Variants in NOVA1 observed in about 807,000 individuals in gnomAD.
NOVA1 encodes the protein NOVA alternative splicing regulator 1.
A neutral mutation model predicts 38.0 loss-of-function variants in NOVA1; 7 were observed. The observed-to-expected ratio is 0.18, with a 90% confidence interval of 0.10 to 0.35. The LOEUF (loss-of-function observed/expected upper bound fraction) is 0.35. Among genes scored for constraint, NOVA1 ranks in the 10% least tolerant of loss-of-function variants. The probability of loss-of-function intolerance (pLI) is 1.00; values close to 1 mark genes in which losing one functional copy is unlikely to be tolerated. For missense variants in NOVA1, 460 were observed against 616.0 expected (o/e 0.75, Z 2.68); for synonymous variants, 270 against 232.5 (o/e 1.16, Z -1.47).
intron 2 of NOVA1, among the ~76,000 whole-genome samples, chr14:26,484,518 A>G (rs1350759624): frequency 6.6e-6 from 1 of 151,662 alleles, no homozygotes. Context: ...AAACATTTAA[A>G]AAATCTCATT....
chr14:26,568,670 C>A (rs991531452), intron 2 of NOVA1, among the ~76,000 whole-genome samples: 1 of 152,074 alleles, frequency 6.6e-6, no homozygotes, highest in African/African-American at 2.4e-5. Flanking sequence ...CCTGGAAGAG[C>A]AACTAGAGCA....
chr14:26,578,878 T>C (rs1351724725), intron 2 of NOVA1, among the ~76,000 whole-genome samples: 1 of 152,090 alleles, frequency 6.6e-6, no homozygotes. Flanking sequence ...TGACAACATA[T>C]AATTTAACCC....
chr14:26,572,748 G>C (rs1057478320), intron 2 of NOVA1, among the ~76,000 whole-genome samples: 1 of 151,368 alleles, frequency 6.6e-6, no homozygotes, highest in Non-Finnish European at 1.5e-5. Context: ...GTGTGTGTGT[G>C]TGTGTGTGTG....
intron 2 of NOVA1, among the ~76,000 whole-genome samples, chr14:26,569,846 A>G (rs1383139169): frequency 2.0e-5 from 3 of 152,204 alleles, no homozygotes; most frequent in Admixed American, 6.5e-5. Flanking sequence ...CTTAGTTTAT[A>G]TTATGATCTT....
intron 2 of NOVA1, among the ~76,000 whole-genome samples, chr14:26,557,609 G>C (rs938832755): frequency 2.6e-5 from 4 of 151,132 alleles, no homozygotes; most frequent in Admixed American, 6.6e-5. Context: ...CTGAGCTCAA[G>C]CTATCTGCCA....
At chr14:26,591,954 G>A (rs1893874806) in intron 2 of NOVA1, among the ~76,000 whole-genome samples, 1 of 146,812 alleles carries the variant, frequency 6.8e-6, no homozygotes, top group Non-Finnish European at 1.5e-5. Flanking sequence ...GTTTTATAAT[G>A]ACAAATATTA....
chr14:26,557,817 T>C (rs1193513570), intron 2 of NOVA1, among the ~76,000 whole-genome samples: 1 of 151,836 alleles, frequency 6.6e-6, no homozygotes, highest in African/African-American at 2.4e-5. Flanking sequence ...CACACAAAAG[T>C]TTACAGCAGC....
chr14:26,568,588 T>C (rs1047693331), intron 2 of NOVA1: 2 of 151,930 alleles, frequency 1.3e-5, no homozygotes, highest in African/African-American at 4.8e-5. Context: ...CACAGAAAAA[T>C]ATTAAAAACA....
intron 2 of NOVA1, among the ~76,000 whole-genome samples, chr14:26,539,305 T>C (rs1325650901): frequency 6.6e-6 from 1 of 152,110 alleles, no homozygotes; most frequent in Non-Finnish European, 1.5e-5. Flanking sequence ...TAAATTACAT[T>C]AGGTTCACTA....
intron 2 of NOVA1, among the ~76,000 whole-genome samples, chr14:26,577,167 T>C (rs1229487305): frequency 1.3e-5 from 2 of 152,112 alleles, no homozygotes; most frequent in Admixed American, 1.3e-4. Flanking sequence ...ATTCATACTA[T>C]TGCAAACGTC....
intron 2 of NOVA1, among the ~76,000 whole-genome samples, chr14:26,589,956 T>C (rs895474101): frequency 6.6e-6 from 1 of 151,816 alleles, no homozygotes; most frequent in African/African-American, 2.4e-5. Flanking sequence ...GCATGTTGCG[T>C]TTTATACCAT....
intron 4 of NOVA1, among the ~76,000 whole-genome samples, chr14:26,460,610 A>G (rs1468531518): frequency 6.6e-6 from 1 of 152,104 alleles, no homozygotes; most frequent in Non-Finnish European, 1.5e-5. Flanking sequence ...AGAATAAACA[A>G]AAATGATCAA....
chr14:26,549,339 T>G (rs1445956894), intron 2 of NOVA1: 2 of 151,950 alleles, frequency 1.3e-5, no homozygotes, highest in African/African-American at 2.4e-5. Flanking sequence ...AAGTTTTTTT[T>G]TTTTTTTTTT....
chr14:26,566,391 T>C (rs1892138957), intron 2 of NOVA1, among the ~76,000 whole-genome samples: 1 of 152,156 alleles, frequency 6.6e-6, no homozygotes, highest in Non-Finnish European at 1.5e-5. Context: ...CCAATGATTG[T>C]AAGTGAGTAC....
Position 26,465,051 on chromosome 14 carries a change from A to G in NOVA1, c.519+7269T>C, listed in dbSNP as rs370007362. On this transcript the variant is annotated intron_variant, in intron 4 of 4. Transcript: ENST00000539517. ...AAATCTAATAGACATAACAAAATAA[A>G]TAAGTTCATTAAAAAATGGATGTCA... 2.0e-5 allele frequency among the ~76,000 whole-genome samples: 3 copies of G among 152,358 alleles called. No individual in the cohort carries two copies. In the East Asian group the frequency reaches 5.8e-4, roughly 29 times the overall value.
At chr14:26,567,380 C>T (rs1168301826) in intron 2 of NOVA1, among the ~76,000 whole-genome samples, 1 of 150,618 alleles carries the variant, frequency 6.6e-6, no homozygotes, top group Non-Finnish European at 1.5e-5. Context: ...ACTGCAGCCC[C>T]GACCTCCTGG....
intron 4 of NOVA1, among the ~76,000 whole-genome samples, chr14:26,457,562 T>G (rs372227475): frequency 6.6e-6 from 1 of 152,122 alleles, no homozygotes; most frequent in African/African-American, 2.4e-5. Flanking sequence ...ACAAACCTAC[T>G]GCTCTGCTAG....
At chr14:26,516,936 C>A (rs985382745) in intron 2 of NOVA1, among the ~76,000 whole-genome samples, 1 of 140,606 alleles carries the variant, frequency 7.1e-6, no homozygotes, top group African/African-American at 2.7e-5. Context: ...GATGGAGTCT[C>A]GCTCTGTTGC....
At chr14:26,585,188 T>A (rs938053780) in intron 2 of NOVA1, among the ~76,000 whole-genome samples, 12 of 151,380 alleles carry the variant, frequency 7.9e-5, no homozygotes, top group African/African-American at 2.9e-4. Flanking sequence ...ATTTCATGTA[T>A]CTCTTTAAAT....
Sources: gnomAD v4.1 joint callset for allele counts (sites outside exome capture counted in the v4.1 genomes callset) on GRCh38, gnomAD v4.1.1 for gene constraint, MANE v1.5 for transcripts, NCBI Gene and HGNC (gene_info 2026-07-23, HGNC 2026-07-21) for gene names.